FGF12: variants seen among roughly 807,000 people sequenced by gnomAD.
FGF12 encodes fibroblast growth factor 12, also known as fibroblast growth factor 12B.
Under a neutral mutation model 23.6 loss-of-function variants are expected in FGF12, and 14 were observed. The ratio of observed to expected loss-of-function variants is 0.59; its 90% CI spans 0.39 to 0.93. The LOEUF is 0.93. Among genes scored for constraint, FGF12 ranks in the 40% least tolerant of loss-of-function variants. The pLI, the probability that FGF12 is intolerant of heterozygous loss-of-function variation, is 0.00. For missense variants in FGF12, 175 were observed against 217.8 expected, an observed-to-expected ratio of 0.80 and a Z score of 1.24; for synonymous variants, 62 against 77.3, an observed-to-expected ratio of 0.80 and a Z score of 1.04.
intron 2 of FGF12, among the ~76,000 whole-genome samples, chr3:192,626,121 T>C (rs763039457): frequency 6.6e-6 from 1 of 152,206 alleles, no homozygotes. Flanking sequence ...ACAAATTAAA[T>C]GCTCACCAAG....
intron 2 of FGF12, among the ~76,000 whole-genome samples, chr3:192,539,772 C>A (rs1476059820): frequency 3.9e-5 from 6 of 152,016 alleles, no homozygotes; most frequent in Non-Finnish European, 4.4e-5. Context: ...TTGAAGCCAT[C>A]AGGTTCCAGG....
At chr3:192,329,259 G>T (rs551654293) in intron 4 of FGF12, among the ~76,000 whole-genome samples, 1 of 152,272 alleles carries the variant, frequency 6.6e-6, no homozygotes, top group East Asian at 1.9e-4. Context: ...ATGGAGACAG[G>T]TGACATATCA....
chr3:192,589,103 G>A lies in FGF12; in HGVS notation c.13+138078C>T, dbSNP rs537859702. ...TGTAATCCCAGCACTTTGGCAGTCC[G>A]AGGCAGGTGGATCACAAGGTCAAGA... On this transcript the variant is annotated intron_variant, in intron 2 of 5. Transcript: ENST00000445105. Among the ~76,000 whole-genome samples the A allele has an allele frequency of 2.4e-4, 36 of 151,782 alleles. 1 individual carries two copies. The highest frequency in any genetic ancestry group is 5.0e-4 in the Non-Finnish European group (34 of 67,902).
intron 2 of FGF12, among the ~76,000 whole-genome samples, chr3:192,591,194 G>A (rs1300660373): frequency 1.3e-5 from 2 of 151,228 alleles, no homozygotes; most frequent in African/African-American, 4.8e-5. Context: ...CAAAGCAGCA[G>A]TGTTGCTCTA....
chr3:192,578,090 A>G (rs1378144962), intron 2 of FGF12, among the ~76,000 whole-genome samples: 1 of 152,198 alleles, frequency 6.6e-6, no homozygotes, highest in East Asian at 1.9e-4. Flanking sequence ...CGTGTTCTCT[A>G]TGGCAACAAA....
Position 192,360,573 on chromosome 3 carries a change from G to T in FGF12, c.14-35C>A. 6.9e-7 allele frequency: 1 copy of T among 1,458,944 alleles called. No homozygotes were observed. The highest frequency in any genetic ancestry group is 9.6e-7 in the Non-Finnish European group (1 of 1,038,856). 90.4% of individuals were successfully genotyped at this position (1,458,944 alleles called of 1,614,324 possible). On this transcript the variant is annotated intron_variant, in intron 2 of 5. Coordinates refer to ENST00000445105, the MANE Select transcript of FGF12 (RefSeq NM_004113.6). The surrounding 1 kb of genome is among the most constrained non-coding windows in gnomAD (Gnocchi z 4.3). ...AAAATAATTATTCAAATTTTTATTT[G>T]GCTTACACAAATGCACACTTACAGA...
chr3:192,585,023 GA>G (rs982322989), intron 2 of FGF12, among the ~76,000 whole-genome samples: 37 of 110,992 alleles, frequency 3.3e-4, no homozygotes, highest in African/African-American at 1.4e-3. Context: ...GTTATTTTCA[GA>G]TAAAAAAATT....
chr3:192,306,689 C>T (rs762232254), intron 4 of FGF12, among the ~76,000 whole-genome samples: 2 of 152,108 alleles, frequency 1.3e-5, no homozygotes, highest in Non-Finnish European at 2.9e-5. Flanking sequence ...CCCAGAGAGT[C>T]GACAATGGTT....
At chr3:192,337,962 T>A (rs1386953734) in intron 3 of FGF12, among the ~76,000 whole-genome samples, 2 of 152,206 alleles carry the variant, frequency 1.3e-5, no homozygotes, top group African/African-American at 4.8e-5. Flanking sequence ...TTAATTGTAT[T>A]TGATCCTCAA....
At position 192,173,732 on chromosome 3, in the gene FGF12, A is replaced by C. The variant is rs551000323; in HGVS notation, c.229-3076T>G. 2.6e-5 allele frequency among the ~76,000 whole-genome samples: 4 copies of C among 152,334 alleles called. No homozygotes were observed. In the South Asian group the frequency reaches 8.3e-4, roughly 32 times the overall value. ...AAAGTTCAAGCAATACATTCAATGT[A>C]TAAGATTTCAGACTTTATAAAGAAG... On this transcript the variant is annotated intron_variant, in intron 4 of 5. Coordinates refer to ENST00000445105, the MANE Select transcript of FGF12 (RefSeq NM_004113.6).
chr3:192,206,753 T>C lies in FGF12; in HGVS notation c.229-36097A>G, dbSNP rs73062595. Among the ~76,000 whole-genome samples, 657 of 152,340 alleles carry C rather than the reference T, an allele frequency of 4.3e-3. 4 individuals are homozygous for C. The highest frequency in any genetic ancestry group is 0.015 in the African/African-American group (639 of 41,572). ...TTTATTTCTTCAAAAGTTGCCTTGC[T>C]GTCATTGAAACAAATGGTGAGCAAA... On this transcript the variant is annotated intron_variant, in intron 4 of 5. Coordinates refer to ENST00000445105, the MANE Select transcript of FGF12 (RefSeq NM_004113.6).
intron 2 of FGF12, among the ~76,000 whole-genome samples, chr3:192,412,507 T>C (rs1721228855): frequency 6.6e-6 from 1 of 152,232 alleles, no homozygotes; most frequent in African/African-American, 2.4e-5. Context: ...ATTAAAAGAA[T>C]GTAGTGTTTT....
At chr3:192,257,316 A>G (rs1712460404) in intron 4 of FGF12, among the ~76,000 whole-genome samples, 1 of 152,148 alleles carries the variant, frequency 6.6e-6, no homozygotes, top group Non-Finnish European at 1.5e-5. Context: ...CGTGTTATTT[A>G]GACCCAATTT....
At chr3:192,378,149 C>T (rs1719654213) in intron 2 of FGF12, among the ~76,000 whole-genome samples, 1 of 147,286 alleles carries the variant, frequency 6.8e-6, no homozygotes, top group Non-Finnish European at 1.5e-5. Flanking sequence ...CTCACTCTGT[C>T]GGCCAGGCTG....
intron 2 of FGF12, among the ~76,000 whole-genome samples, chr3:192,705,272 A>T (rs1718431850): frequency 6.6e-6 from 1 of 151,992 alleles, no homozygotes; most frequent in South Asian, 2.1e-4. Flanking sequence ...GAGACATGTG[A>T]CTCTTCCTTT....
intron 2 of FGF12, among the ~76,000 whole-genome samples, chr3:192,375,962 T>C (rs1560090748): frequency 6.6e-6 from 1 of 152,190 alleles, no homozygotes; most frequent in Non-Finnish European, 1.5e-5. Flanking sequence ...TTCATCATAA[T>C]GTGATTTTAT....
At chr3:192,372,379 C>G (rs749783673) in intron 2 of FGF12, among the ~76,000 whole-genome samples, 1 of 136,440 alleles carries the variant, frequency 7.3e-6, no homozygotes, top group Non-Finnish European at 1.5e-5. Flanking sequence ...TGTCTATCAT[C>G]TTTTCATACC....
At chr3:192,280,582 G>A (rs1021105842) in intron 4 of FGF12, among the ~76,000 whole-genome samples, 4 of 152,056 alleles carry the variant, frequency 2.6e-5, no homozygotes, top group African/African-American at 7.2e-5. Context: ...CACTTCTTAT[G>A]TGCAAAATAC....
rs186552409 is a variant in FGF12 at position 192,680,293 on chromosome 3, G to A, written c.13+46888C>T. On this transcript the variant is annotated intron_variant, in intron 2 of 5. Coordinates refer to ENST00000445105, the MANE Select transcript of FGF12 (RefSeq NM_004113.6). ...TAGAAGATTAATGCCATAACCAGGT[G>A]AAAAACAAGATGACTGCTGCCGAAG... Among the ~76,000 whole-genome samples, 91 of 152,262 alleles carry A rather than the reference G, an allele frequency of 6.0e-4. 1 individual carries two copies. The highest frequency in any genetic ancestry group is 2.1e-3 in the African/African-American group (87 of 41,536).
Sources: allele counts gnomAD v4.1 joint callset (sites outside exome capture counted in the v4.1 genomes callset), GRCh38; gene constraint gnomAD v4.1.1; non-coding constraint Gnocchi (gnomAD v3.1); transcripts MANE v1.5; gene names NCBI Gene and HGNC (gene_info 2026-07-23, HGNC 2026-07-21).